Variants in PNPLA1 observed in about 807,000 individuals in gnomAD.
PNPLA1 encodes patatin like domain 1, omega-hydroxyceramide transacylase.
Under a neutral mutation model 51.7 loss-of-function variants are expected in PNPLA1, and 36 were observed. The ratio of observed to expected loss-of-function variants is 0.70; its 90% CI spans 0.53 to 0.92. The LOEUF is 0.92. PNPLA1 is among the 40% of genes least tolerant of loss of function. The pLI, the probability that PNPLA1 is intolerant of heterozygous loss-of-function variation, is 0.00. For synonymous variants in PNPLA1, 293 were observed against 280.1 expected (o/e 1.05, Z -0.46); for missense variants, 658 against 682.5 (o/e 0.96, Z 0.40).
chr6:36,279,120 T>A (rs1770200040), intron 1 of PNPLA1, among the ~76,000 whole-genome samples: 1 of 152,148 alleles, frequency 6.6e-6, no homozygotes, highest in African/African-American at 2.4e-5. Flanking sequence ...AACATGCTTG[T>A]GTTCTCAGAA....
At chr6:36,262,459 A>T (rs2127319005) in intron 1 of PNPLA1, among the ~76,000 whole-genome samples, 1 of 152,314 alleles carries the variant, frequency 6.6e-6, no homozygotes, top group East Asian at 1.9e-4. Flanking sequence ...TGCCAAAACA[A>T]ATAGCAGCGC....
upstream of PNPLA1, among the ~76,000 whole-genome samples, chr6:36,268,952 C>A (rs565043965): frequency 3.3e-5 from 5 of 151,946 alleles, no homozygotes; most frequent in Admixed American, 6.6e-5. Flanking sequence ...GATATCTGCA[C>A]ACACATGCAC....
At chr6:36,267,538 G>A (rs1227896274), upstream of PNPLA1, among the ~76,000 whole-genome samples, 1 of 152,216 alleles carries the variant, frequency 6.6e-6, no homozygotes, top group African/African-American at 2.4e-5. Context: ...CCAAGCAGGT[G>A]GGGACAACGG....
rs578163510 is a variant in PNPLA1, at chr6:36,313,685, G to A, written c.*1799G>A. Among the ~76,000 whole-genome samples the A allele has an allele frequency of 6.6e-6, 1 of 152,268 alleles. No homozygotes were observed. Among genetic ancestry groups the A allele is most frequent in the Admixed American group, 6.5e-5 (1 of 15,290 alleles). On this transcript the variant is annotated 3_prime_UTR_variant, in exon 9 of 9. Transcript: ENST00000636260. The stretch of plus-strand genomic sequence containing the variant: ...AAGGAAGCAGCTGGAGGTGTGTACT[G>A]TGGGGGAGACTGACTAGAGAGGCCC...
chr6:36,262,835 A>G lies in PNPLA1; in HGVS notation c.-81+19574A>G, dbSNP rs868225549. Among the ~76,000 whole-genome samples, 7 of 152,252 alleles carry G rather than the reference A, an allele frequency of 4.6e-5. No homozygotes were observed. In the South Asian group the frequency reaches 1.4e-3, roughly 31 times the overall value. On this transcript the variant is annotated intron_variant, in intron 1 of 7. Transcript: ENST00000312917. ...GAGAATTGCATTATGTGGCTATACC[A>G]TCATTCATTTAACTAGCTTGCCATT... is the stretch of plus-strand genomic sequence containing the variant.
chr6:36,287,355 C>G (rs770569562), intron 1 of PNPLA1, among the ~76,000 whole-genome samples: 3 of 152,006 alleles, frequency 2.0e-5, no homozygotes, highest in African/African-American at 7.3e-5. Flanking sequence ...TCAGAGAATC[C>G]CCTCCTCTGA....
At chr6:36,288,923 T>C (rs1770591507) in intron 1 of PNPLA1, among the ~76,000 whole-genome samples, 1 of 152,090 alleles carries the variant, frequency 6.6e-6, no homozygotes, top group African/African-American at 2.4e-5. Flanking sequence ...CAAAACTCTA[T>C]TTGAAAAAAC....
chr6:36,262,338 C>A (rs1415839326), intron 1 of PNPLA1, among the ~76,000 whole-genome samples: 3 of 152,206 alleles, frequency 2.0e-5, no homozygotes, highest in African/African-American at 7.2e-5. Flanking sequence ...TCTCATCAGC[C>A]AGACGGGGCT....
intron 1 of PNPLA1, among the ~76,000 whole-genome samples, chr6:36,286,846 T>G (rs1770503582): frequency 6.7e-6 from 1 of 149,750 alleles, no homozygotes; most frequent in Non-Finnish European, 1.5e-5. Context: ...GCCTGGCTAA[T>G]TTAAATTTTT....
intron 1 of PNPLA1, among the ~76,000 whole-genome samples, chr6:36,276,108 AC>A (rs1434740945): frequency 6.6e-6 from 1 of 151,738 alleles, no homozygotes; most frequent in Non-Finnish European, 1.5e-5. Context: ...ACAGGCACCC[AC>A]CACCACGCCC....
At chr6:36,250,860 C>A (rs1201818019) in intron 1 of PNPLA1, among the ~76,000 whole-genome samples, 4 of 152,142 alleles carry the variant, frequency 2.6e-5, no homozygotes, top group Non-Finnish European at 4.4e-5. Flanking sequence ...TACGCCACCA[C>A]GTCCAGCTAA....
Position 36,294,296 on chromosome 6 carries a change from G to A in PNPLA1, c.611G>A (p.Cys204Tyr). The change falls in exon 4 of 9, where the codon TGC (cysteine) becomes TAC (tyrosine). Residue 204 changes from cysteine to tyrosine, a missense_variant. Cys to Tyr is a radical substitution (Grantham distance 194). Transcript: ENST00000636260. The surrounding 1 kb of genome is among the most constrained non-coding windows in gnomAD (Gnocchi z 4.2). ...SGQQDICPRD[C>Y]PAIFHDFRMF... ...CAGCAGGACATCTGTCCCCGGGACT[G>A]CCCGGCCATCTTCCACGACTTCCGC... 1.2e-6 allele frequency: 2 copies of A among 1,614,210 alleles called. No individual in the cohort carries two copies. Among genetic ancestry groups the A allele is most frequent in the Non-Finnish European group, 1.7e-6 (2 of 1,180,032 alleles).
intron 1 of PNPLA1, among the ~76,000 whole-genome samples, chr6:36,260,723 T>A (rs549406495): frequency 6.6e-6 from 1 of 152,360 alleles, no homozygotes; most frequent in Admixed American, 6.5e-5. Flanking sequence ...ACTTAAAATA[T>A]CATACAGATG....
intron 1 of PNPLA1, among the ~76,000 whole-genome samples, chr6:36,252,010 G>A (rs1384793436): frequency 2.0e-5 from 3 of 152,186 alleles, no homozygotes; most frequent in African/African-American, 7.2e-5. Context: ...TTAAATCAAT[G>A]AATGAATAGC....
At chr6:36,297,142 G>A (rs1770882169) in intron 5 of PNPLA1, among the ~76,000 whole-genome samples, 1 of 152,156 alleles carries the variant, frequency 6.6e-6, no homozygotes, top group Admixed American at 6.5e-5. Context: ...TATGGATGGG[G>A]GCAGGCTTCT....
chr6:36,287,055 A>G (rs187677930), intron 1 of PNPLA1, among the ~76,000 whole-genome samples: 1 of 152,326 alleles, frequency 6.6e-6, no homozygotes, highest in Admixed American at 6.5e-5. Flanking sequence ...AGCTGACCAC[A>G]GTAATCAATA....
intron 1 of PNPLA1, among the ~76,000 whole-genome samples, chr6:36,284,999 A>G (rs1770439006): frequency 6.6e-6 from 1 of 152,184 alleles, no homozygotes; most frequent in Admixed American, 6.5e-5. Context: ...AACCAGGGTC[A>G]CTGCTCCTCG....
intron 1 of PNPLA1, among the ~76,000 whole-genome samples, chr6:36,285,530 G>A (rs768486811): frequency 6.6e-6 from 1 of 152,198 alleles, no homozygotes; most frequent in Non-Finnish European, 1.5e-5. Flanking sequence ...TGGAGTTGGG[G>A]AAGAGAAGCC....
At chr6:36,295,520 T>G in intron 5 of PNPLA1, 96 bp downstream of exon 5, 20 of 1,353,676 alleles carry the variant, frequency 1.5e-5, no homozygotes, top group Non-Finnish European at 2.1e-5. Flanking sequence ...CCCCCCAGAT[T>G]TGTGACCCGG....
Sources: gnomAD v4.1 joint callset for allele counts (sites outside exome capture counted in the v4.1 genomes callset) on GRCh38, gnomAD v4.1.1 for gene constraint, Gnocchi (gnomAD v3.1) non-coding constraint, MANE v1.5 for transcripts, NCBI Gene and HGNC (gene_info 2026-07-23, HGNC 2026-07-21) for gene names.